ZMYND11: variants seen among roughly 807,000 people sequenced by gnomAD.
The protein encoded by ZMYND11 is zinc finger MYND domain-containing protein 11.
Under a neutral mutation model 84.9 loss-of-function variants are expected in ZMYND11, and 9 were observed. The observed-to-expected ratio is 0.11, with a 90% CI of 0.06 to 0.18. The LOEUF (loss-of-function observed/expected upper bound fraction) is 0.18, where lower values mean the gene tolerates loss of function less well. ZMYND11 is among the 10% of genes least tolerant of loss of function. ZMYND11 has a pLI of 1.00. For synonymous variants in ZMYND11, 250 were observed against 244.1 expected, an observed-to-expected ratio of 1.02 and a Z score of -0.23; for missense variants, 409 against 761.0, an observed-to-expected ratio of 0.54 and a Z score of 5.44.
In ZMYND11 at chr10:252,136, A is replaced by T. The variant is rs1377182813; in HGVS notation, c.1687-212A>T. On this transcript the variant is annotated intron_variant, in intron 14 of 14. Transcript: ENST00000381604. This position sits in a 1 kb window ranked among gnomAD's most constrained non-coding sequence, Gnocchi z 4.6. The stretch of plus-strand genomic sequence containing the variant: ...AACGGGAGGTGTCAGGTACCACCTG[A>T]CAGCAGCTTGAGTTTGCTGACAACC... Among the ~76,000 whole-genome samples, 1 of 152,158 alleles carries T rather than the reference A, an allele frequency of 6.6e-6. No homozygotes were observed. Among genetic ancestry groups the T allele is most frequent in the African/African-American group, 2.4e-5 (1 of 41,434 alleles).
intron 4 of ZMYND11, among the ~76,000 whole-genome samples, chr10:231,657 C>T (rs973679377): frequency 1.3e-5 from 2 of 152,142 alleles, no homozygotes; most frequent in Admixed American, 6.5e-5. Flanking sequence ...GCAGAAACAC[C>T]GAAGGGCACC....
chr10:238,354 GTTTCT>G (rs920926928), intron 6 of ZMYND11, among the ~76,000 whole-genome samples: 29 of 150,608 alleles, frequency 1.9e-4, no homozygotes, highest in Non-Finnish European at 3.2e-4. Flanking sequence ...CATCTTACAA[GTTTCT>G]TTTCTTTTTT....
Position 247,455 on chromosome 10 carries a change from C to T in ZMYND11, c.1216C>T (p.Pro406Ser), listed in dbSNP as rs1263535925. ...KKGRRNQSVE[P>S]KKEEPEPETE... ...AGGACGACGTAATCAAAGTGTGGAG[C>T]CCAAAAAGGAAGTAAGTTGCCCACC... Residue 406 changes from proline (P) to serine (S), a missense_variant, in exon 12 of 15, where the codon CCC becomes TCC. This residue lies in a region of ZMYND11 where 19 missense variants were observed against 60.5 expected (regional missense o/e 0.31). Coordinates refer to ENST00000381604, the MANE Select transcript of ZMYND11 (RefSeq NM_001370100.5). 6.2e-7 allele frequency: 1 copy of T among 1,613,934 alleles called. No homozygotes were observed. Among genetic ancestry groups the T allele is most frequent in the Non-Finnish European group, 8.5e-7 (1 of 1,179,926 alleles).
intron 4 of ZMYND11, among the ~76,000 whole-genome samples, chr10:222,738 A>G (rs189004043): frequency 1.3e-4 from 20 of 152,062 alleles, no homozygotes; most frequent in Admixed American, 8.5e-4. Flanking sequence ...TAGTAGTCAC[A>G]TGGGGATCCT....
intron 3 of ZMYND11, among the ~76,000 whole-genome samples, chr10:212,715 T>C (rs1452658076): frequency 6.6e-6 from 1 of 151,982 alleles, no homozygotes; most frequent in East Asian, 1.9e-4. Context: ...TCAAAGCAAG[T>C]TTTTGACCAA....
intron 2 of ZMYND11, among the ~76,000 whole-genome samples, chr10:205,748 G>C (rs1169957494): frequency 6.6e-6 from 1 of 151,704 alleles, no homozygotes; most frequent in Non-Finnish European, 1.5e-5. Flanking sequence ...TTTTTTAACA[G>C]CATTGCTTTA....
intron 4 of ZMYND11, among the ~76,000 whole-genome samples, chr10:233,540 G>C (rs564474308): frequency 6.6e-6 from 1 of 152,304 alleles, no homozygotes; most frequent in East Asian, 1.9e-4. Context: ...GTTAAAATGA[G>C]GTAGAAGACA....
intron 12 of ZMYND11, 56 bp from the exon 13 acceptor site, chr10:248,280 G>C (rs1952599383): frequency 1.3e-6 from 2 of 1,571,830 alleles, no homozygotes; most frequent in Non-Finnish European, 1.7e-6. Context: ...GGTAGTTCTT[G>C]AACTGGTGAA....
chr10:225,754 A>G (rs1157564687), intron 4 of ZMYND11, among the ~76,000 whole-genome samples: 3 of 152,184 alleles, frequency 2.0e-5, no homozygotes, highest in Non-Finnish European at 2.9e-5. Flanking sequence ...GGACCTGCGT[A>G]TGTGTGCATG....
At chr10:184,398 CTTT>C (rs745455282) in intron 2 of ZMYND11, among the ~76,000 whole-genome samples, 3 of 152,024 alleles carry the variant, frequency 2.0e-5, no homozygotes, top group Non-Finnish European at 4.4e-5. Context: ...TTCTTTTCAT[CTTT>C]TTTCTTTTTG....
chr10:248,882 T>C (rs1336120060), intron 13 of ZMYND11, 21 bp from the exon 14 acceptor site: 1 of 1,592,764 alleles, frequency 6.3e-7, no homozygotes, highest in Non-Finnish European at 8.6e-7. Context: ...TGACGCACTG[T>C]GGGTTGTCTT....
intron 4 of ZMYND11, among the ~76,000 whole-genome samples, chr10:222,868 C>G (rs1947370665): frequency 6.6e-6 from 1 of 152,094 alleles, no homozygotes; most frequent in Admixed American, 6.6e-5. Context: ...AACGAAAATA[C>G]TGGGACTTCT....
At chr10:188,425 A>C (rs1039495617) in intron 2 of ZMYND11, among the ~76,000 whole-genome samples, 3 of 139,032 alleles carry the variant, frequency 2.2e-5, no homozygotes, top group Non-Finnish European at 1.6e-5. Flanking sequence ...CCATCTCTAC[A>C]AAAAAAAAAA....
chr10:202,233 T>C (rs1277643030), intron 2 of ZMYND11, among the ~76,000 whole-genome samples: 3 of 152,200 alleles, frequency 2.0e-5, no homozygotes, highest in African/African-American at 7.2e-5. Flanking sequence ...ACAGTACTCC[T>C]CTAGTTACTT....
intron 1 of ZMYND11, among the ~76,000 whole-genome samples, chr10:158,344 T>C (rs1842154269): frequency 6.6e-6 from 1 of 152,170 alleles, no homozygotes; most frequent in African/African-American, 2.4e-5. Flanking sequence ...CCACCAGCAA[T>C]GTATGAAAAC....
chr10:154,879 C>T (rs1275271943), intron 1 of ZMYND11: 1 of 152,080 alleles, frequency 6.6e-6, no homozygotes, highest in African/African-American at 2.4e-5. Context: ...CTCACCAGGC[C>T]CAATCCTGCT....
intron 2 of ZMYND11, among the ~76,000 whole-genome samples, chr10:183,495 C>G (rs747598734): frequency 3.3e-5 from 5 of 152,176 alleles, no homozygotes; most frequent in Non-Finnish European, 5.9e-5. Flanking sequence ...GATCCAGGAA[C>G]TCATTAAGGA....
intron 1 of ZMYND11, among the ~76,000 whole-genome samples, chr10:157,037 T>A (rs1334002707): frequency 6.6e-6 from 1 of 152,176 alleles, no homozygotes; most frequent in South Asian, 2.1e-4. Context: ...TAAGCAGTTA[T>A]TTTTATGGAT....
chr10:239,763 T>G (rs1220536690), intron 7 of ZMYND11, among the ~76,000 whole-genome samples: 3 of 152,192 alleles, frequency 2.0e-5, no homozygotes, highest in Non-Finnish European at 4.4e-5. Flanking sequence ...TTATATGTAT[T>G]TGTTTTAGCT....
Sources: allele counts gnomAD v4.1 joint callset (sites outside exome capture counted in the v4.1 genomes callset), GRCh38; gene constraint gnomAD v4.1.1; regional missense constraint gnomAD v4.1.1; non-coding constraint Gnocchi (gnomAD v3.1); transcripts MANE v1.5; gene names NCBI Gene and HGNC (gene_info 2026-07-23, HGNC 2026-07-21).